Variants in MBNL3 observed in about 807,000 individuals in gnomAD.
MBNL3 encodes the protein muscleblind like splicing regulator 3.
MBNL3 carries 6 observed loss-of-function variants against 24.5 expected under a neutral mutation model. The observed-to-expected ratio is 0.25, with a 90% CI of 0.13 to 0.48. The LOEUF (loss-of-function observed/expected upper bound fraction) is 0.48. Ranked by LOEUF, MBNL3 falls within the 20% of genes least tolerant of loss-of-function variation. MBNL3 has a pLI of 0.99. For missense variants in MBNL3, 230 were observed against 293.5 expected, an observed-to-expected ratio of 0.78 and a Z score of 1.58; for synonymous variants, 100 against 101.7, an observed-to-expected ratio of 0.98 and a Z score of 0.10.
chrX:132,406,641 G>A (rs1051072857), intron 2 of MBNL3, among the ~76,000 whole-genome samples: 3 of 111,927 alleles, frequency 2.7e-5, no homozygotes, highest in Non-Finnish European at 3.8e-5. Flanking sequence ...AAACCAAAGT[G>A]TATTTTGGAT....
intron 8 of MBNL3, among the ~76,000 whole-genome samples, chrX:132,381,864 T>C (rs146813338): frequency 2.3e-4 from 26 of 112,072 alleles, no homozygotes; most frequent in African/African-American, 7.4e-4. Flanking sequence ...ATAAATTCTC[T>C]TGACCAATGA....
At chrX:132,443,719 A>G (rs1413010168) in intron 1 of MBNL3, among the ~76,000 whole-genome samples, 1 of 111,646 alleles carries the variant, frequency 9.0e-6, no homozygotes, top group African/African-American at 3.3e-5. Flanking sequence ...ACCATGAATG[A>G]TACACCAAGC....
intron 3 of MBNL3, among the ~76,000 whole-genome samples, chrX:132,405,950 G>A (rs1474822227): frequency 9.6e-6 from 1 of 104,021 alleles, no homozygotes; most frequent in East Asian, 3.2e-4. Flanking sequence ...TTGAATTAAT[G>A]TCCTAGAATT....
intron 3 of MBNL3, among the ~76,000 whole-genome samples, chrX:132,396,478 A>C (rs182505576): frequency 2.8e-3 from 196 of 69,165 alleles, no homozygotes; most frequent in East Asian, 6.7e-3. Context: ...ATATATATTC[A>C]TATATATTCC....
intron 2 of MBNL3, among the ~76,000 whole-genome samples, chrX:132,420,570 T>A: frequency 9.0e-6 from 1 of 111,236 alleles, no homozygotes; most frequent in Admixed American, 9.5e-5. Flanking sequence ...TGATTGGCTA[T>A]TTTTTTTAAC....
chrX:132,426,117 C>T (rs559097611), intron 2 of MBNL3, among the ~76,000 whole-genome samples: 1 of 111,797 alleles, frequency 8.9e-6, no homozygotes, highest in South Asian at 3.7e-4. Flanking sequence ...ATTTATTCTC[C>T]CTCTTTCAAA....
chrX:132,438,138 A>ATTCACTTTGTTAC (rs1457623453), intron 2 of MBNL3, among the ~76,000 whole-genome samples: 4 of 112,063 alleles, frequency 3.6e-5, no homozygotes. Flanking sequence ...CTGATAGCTG[A>ATTCACTTTGTTAC]ATGTACACAA....
In MBNL3 at chrX:132,392,273, A is replaced by G; in HGVS notation, c.404T>C (p.Ile135Thr). Residue 135 changes from isoleucine to threonine, a missense_variant, in exon 4 of 9, where the codon ATA (isoleucine) becomes ACA (threonine). Physicochemically the swap from Ile to Thr is moderately conservative, Grantham distance 89 (BLOSUM62 -1). Coordinates refer to ENST00000370853, the MANE Select transcript of MBNL3 (RefSeq NM_001386889.1). ...AACGAGGCCCATCCCAGGATGTGGTATGTAAGGATTGAAAGCCATGGGAGG... is the reference window on the plus strand; with the variant it reads ...AACGAGGCCCATCCCAGGATGTGGTGTGTAAGGATTGAAAGCCATGGGAGG... The part of the protein sequence containing the change: ...ANPPMAFNPY[I>T]PHPGMGLVPA... 1 of 1,210,113 alleles carries G rather than the reference A, an allele frequency of 8.3e-7. No individual in the cohort carries two copies. The highest frequency in any genetic ancestry group is 1.1e-6 in the Non-Finnish European group (1 of 894,462).
chrX:132,460,544 T>A (rs954234154), intron 1 of MBNL3, among the ~76,000 whole-genome samples: 3 of 111,721 alleles, frequency 2.7e-5, no homozygotes, highest in Non-Finnish European at 5.6e-5. Flanking sequence ...TAGATTGAAA[T>A]TAGTTAATAT....
intron 1 of MBNL3, among the ~76,000 whole-genome samples, chrX:132,463,193 G>A (rs1335031735): frequency 8.9e-6 from 1 of 112,471 alleles, no homozygotes; most frequent in Non-Finnish European, 1.9e-5. Flanking sequence ...GGGGCGCCGT[G>A]GCTCATGCCT....
intron 7 of MBNL3, among the ~76,000 whole-genome samples, chrX:132,382,763 T>A (rs1603038775): frequency 8.9e-6 from 1 of 112,080 alleles, no homozygotes; most frequent in African/African-American, 3.2e-5. Flanking sequence ...GATTTGCAGG[T>A]GCAAACAGGC....
Position 132,373,476 on chromosome X carries a change from A to C in MBNL3, c.*6190T>G, listed in dbSNP as rs1251469660. 1.8e-5 allele frequency: 2 copies of C among 111,656 alleles called. No homozygotes were observed. The highest frequency in any genetic ancestry group is 6.5e-5 in the African/African-American group (2 of 30,765). The allele number at this position is 111,656 out of a possible 1,213,427, so 9.2% of individuals were successfully genotyped here. A position where few individuals can be genotyped will look rare whatever the true frequency, so the allele number is the denominator to read the frequency against. On this transcript the variant is annotated 3_prime_UTR_variant, in exon 9 of 9. Coordinates refer to ENST00000370853, the MANE Select transcript of MBNL3 (RefSeq NM_001386889.1). ...TCTAAGTGATTATGGGCTGAGGGAA[A>C]AGAAAATTCTAGCCAACTGGCCCTG...
intron 2 of MBNL3, among the ~76,000 whole-genome samples, chrX:132,425,745 A>G (rs1302681752): frequency 9.0e-6 from 1 of 111,629 alleles, no homozygotes; most frequent in Non-Finnish European, 1.9e-5. Context: ...TTTTAAGACA[A>G]AAAATGCTAG....
Position 132,371,030 on chromosome X carries a change from G to A in MBNL3, c.*8636C>T, listed in dbSNP as rs1180108462. ...ATTCTGAAGAGGCCTAAGACCTCTT[G>A]TAAATGTCTATATACTGAACTGTTT... is the stretch of plus-strand genomic sequence containing the variant. On this transcript the variant is annotated 3_prime_UTR_variant, in exon 9 of 9. Transcript: ENST00000370853. 1 of 111,631 alleles carries A rather than the reference G, an allele frequency of 9.0e-6. No homozygotes were observed. The highest frequency in any genetic ancestry group is 1.9e-5 in the Non-Finnish European group (1 of 53,122). 9.2% of individuals were successfully genotyped at this position (111,631 alleles called of 1,213,427 possible).
At chrX:132,429,676 G>C (rs754067590) in intron 2 of MBNL3, 1 of 111,934 alleles carries the variant, frequency 8.9e-6, no homozygotes, top group Non-Finnish European at 1.9e-5. Context: ...AGTGCAAAAA[G>C]TAAAGGAGAA....
intron 3 of MBNL3, among the ~76,000 whole-genome samples, chrX:132,400,848 C>A (rs140067134): frequency 1.8e-5 from 2 of 111,989 alleles, no homozygotes; most frequent in African/African-American, 6.5e-5. Flanking sequence ...AACCTCAATG[C>A]GGAAGTTCAC....
At chrX:132,418,647 A>G (rs1325763920) in intron 2 of MBNL3, among the ~76,000 whole-genome samples, 2 of 112,819 alleles carry the variant, frequency 1.8e-5, no homozygotes, top group African/African-American at 3.2e-5. Context: ...ACTAGTTACT[A>G]GCACAATTTT....
At chrX:132,413,124 C>T (rs1271349152) in intron 2 of MBNL3, among the ~76,000 whole-genome samples, 1 of 111,930 alleles carries the variant, frequency 8.9e-6, no homozygotes, top group Non-Finnish European at 1.9e-5. Flanking sequence ...TTCTCTCTGA[C>T]CCATTAGTCA....
At chrX:132,414,188 C>T (rs768817397) in intron 2 of MBNL3, among the ~76,000 whole-genome samples, 36 of 111,978 alleles carry the variant, frequency 3.2e-4, no homozygotes, top group Non-Finnish European at 6.2e-4. Flanking sequence ...ATAATATATT[C>T]GAGAAAAATG....
Sources: gnomAD v4.1 joint callset for allele counts (sites outside exome capture counted in the v4.1 genomes callset) on GRCh38, gnomAD v4.1.1 for gene constraint, MANE v1.5 for transcripts, NCBI Gene and HGNC (gene_info 2026-07-23, HGNC 2026-07-21) for gene names.